DAAM1: variants seen among roughly 807,000 people sequenced by gnomAD.
DAAM1 encodes the protein dishevelled associated activator of morphogenesis 1, also known as disheveled-associated activator of morphogenesis 1.
DAAM1 carries 52 observed loss-of-function variants against 130.0 expected under a neutral mutation model. The ratio of observed to expected loss-of-function variants is 0.40; its 90% confidence interval spans 0.32 to 0.50. The LOEUF (loss-of-function observed/expected upper bound fraction) is 0.50, where lower values mean the gene tolerates loss of function less well. DAAM1 is among the 20% of genes least tolerant of loss of function. The pLI, the probability that DAAM1 is intolerant of heterozygous loss-of-function variation, is 0.61. For missense variants in DAAM1, 1,134 were observed against 1,303.8 expected (o/e 0.87, Z 2.01); for synonymous variants, 452 against 444.5 (o/e 1.02, Z -0.21).
At chr14:59,283,630 C>T (rs1340801592) in intron 2 of DAAM1, among the ~76,000 whole-genome samples, 1 of 152,120 alleles carries the variant, frequency 6.6e-6, no homozygotes. Flanking sequence ...TTACTGCATG[C>T]TTAGTTGATT....
At chr14:59,291,473 G>A (rs1883738095) in intron 3 of DAAM1, 167 bp downstream of exon 3, 5 of 578,446 alleles carry the variant, frequency 8.6e-6, no homozygotes, top group South Asian at 6.8e-5. Context: ...TTCCCTGGAT[G>A]TTGTTTTTGT....
intron 3 of DAAM1, among the ~76,000 whole-genome samples, chr14:59,311,184 A>G (rs980757229): frequency 3.3e-5 from 5 of 152,260 alleles, no homozygotes; most frequent in African/African-American, 1.2e-4. Context: ...ATATGAGTAT[A>G]GAAATTTTGA....
chr14:59,315,243 G>A (rs764888893), intron 3 of DAAM1, 37 bp from the exon 4 acceptor site: 5 of 1,594,860 alleles, frequency 3.1e-6, no homozygotes, highest in East Asian at 2.2e-5. Context: ...GTGTGTATAT[G>A]TTGGGTGGTA....
intron 3 of DAAM1, among the ~76,000 whole-genome samples, chr14:59,302,129 A>C (rs943484337): frequency 2.6e-5 from 4 of 152,230 alleles, no homozygotes; most frequent in Non-Finnish European, 5.9e-5. Context: ...AAAATCTGAA[A>C]GAAGAAAATC....
At chr14:59,326,237 G>T in intron 10 of DAAM1, 160 bp downstream of exon 10, 1 of 709,560 alleles carries the variant, frequency 1.4e-6, no homozygotes, top group Non-Finnish European at 2.3e-6. Context: ...GGCTTAAAGG[G>T]TGTTACAAAA....
At chr14:59,258,069 A>AT (rs1215469263) in intron 1 of DAAM1, among the ~76,000 whole-genome samples, 4 of 151,812 alleles carry the variant, frequency 2.6e-5, no homozygotes, top group Non-Finnish European at 5.9e-5. Context: ...AGTTTTCTTG[A>AT]TTTTTTTCCT....
intron 16 of DAAM1, among the ~76,000 whole-genome samples, chr14:59,344,221 T>C (rs559019903): frequency 6.6e-6 from 1 of 152,190 alleles, no homozygotes; most frequent in Non-Finnish European, 1.5e-5. Context: ...AGTAGGGGGA[T>C]TTGGCCTAAA....
intron 22 of DAAM1, 76 bp from the exon 23 acceptor site, chr14:59,363,575 G>A: frequency 1.3e-6 from 2 of 1,581,128 alleles, no homozygotes; most frequent in Non-Finnish European, 1.7e-6. Context: ...TTTAAGGCAT[G>A]TGAAATATGA....
intron 1 of DAAM1, among the ~76,000 whole-genome samples, chr14:59,214,988 T>C (rs570750616): frequency 2.0e-5 from 3 of 152,396 alleles, no homozygotes; most frequent in Admixed American, 1.3e-4. Context: ...GGTTTCTCCA[T>C]ATCTCATGTG....
At chr14:59,192,056 C>T (rs1594748557) in intron 1 of DAAM1, among the ~76,000 whole-genome samples, 2 of 151,750 alleles carry the variant, frequency 1.3e-5, no homozygotes, top group East Asian at 3.9e-4. Flanking sequence ...TGGGTCACAT[C>T]CTTGGGTGGT....
intron 1 of DAAM1, among the ~76,000 whole-genome samples, chr14:59,201,011 A>G (rs187275112): frequency 5.3e-5 from 8 of 152,052 alleles, no homozygotes; most frequent in African/African-American, 1.9e-4. Context: ...AATACAAAAA[A>G]TCAGCCAGGC....
In DAAM1 at chr14:59,331,805, G is replaced by T. The variant is rs1269352774; in HGVS notation, c.1861-8G>T. ...AAACTATAGCACTTATTACATTGAT[G>T]TTTCTAGAACAAACTGGAAGGAACA... On this transcript the variant is annotated splice_polypyrimidine_tract_variant and splice_region_variant and intron_variant, in intron 14 of 24. Transcript: ENST00000360909. 2 of 1,610,822 alleles carry T rather than the reference G, an allele frequency of 1.2e-6. No individual in the cohort carries two copies. The highest frequency in any genetic ancestry group is 1.7e-6 in the Non-Finnish European group (2 of 1,178,476).
rs386381493 is a variant in DAAM1 at position 59,327,402 on chromosome 14, C to CTTTTTTTTTTTTTT, written c.1372+422_1372+435dup. Among the ~76,000 whole-genome samples, 101 of 58,984 alleles carry CTTTTTTTTTTTTTT rather than the reference C, an allele frequency of 1.7e-3. 16 individuals are homozygous for CTTTTTTTTTTTTTT. The highest frequency in any genetic ancestry group is 0.018 in the Middle Eastern group (1 of 56). The allele number at this position is 58,984 out of a possible 152,430, so 38.7% of individuals were successfully genotyped here. On this transcript the variant is annotated intron_variant, in intron 12 of 24. Transcript: ENST00000360909. ...AAGAGAAGAACAGGTCACTTGGTTT[C>CTTTTTTTTTTTTTT]TTTTTTTTTTTTTTTTTTTTTTTTG...
chr14:59,258,738 C>T (rs920591680), intron 1 of DAAM1, among the ~76,000 whole-genome samples: 1 of 152,128 alleles, frequency 6.6e-6, no homozygotes. Context: ...TGTTGGAAAT[C>T]TCCAACACAT....
At chr14:59,291,587 C>T (rs1031525255) in intron 3 of DAAM1, 1 of 363,162 alleles carries the variant, frequency 2.8e-6, no homozygotes, top group Admixed American at 4.7e-5. Flanking sequence ...TCCCCCCAAC[C>T]CTGCGCTTTA....
At chr14:59,353,387 T>C (rs1263464329) in intron 18 of DAAM1, among the ~76,000 whole-genome samples, 1 of 152,106 alleles carries the variant, frequency 6.6e-6, no homozygotes, top group Non-Finnish European at 1.5e-5. Context: ...GAGAGGACAA[T>C]GTGGGAAGCG....
At chr14:59,329,365 C>G (rs1416591477) in intron 12 of DAAM1, among the ~76,000 whole-genome samples, 2 of 152,074 alleles carry the variant, frequency 1.3e-5, no homozygotes, top group South Asian at 4.2e-4. Context: ...GGATGTATTT[C>G]TGGAGAAGTT....
At chr14:59,331,142 A>G in intron 13 of DAAM1, 67 bp from the exon 14 acceptor site, 1 of 1,564,260 alleles carries the variant, frequency 6.4e-7, no homozygotes, top group South Asian at 1.2e-5. Flanking sequence ...CAAGTTACAG[A>G]CTCTTAAATC....
chr14:59,357,164 T>C (rs1325912008), intron 20 of DAAM1: 2 of 152,256 alleles, frequency 1.3e-5, no homozygotes, highest in Admixed American at 1.3e-4. Context: ...CAAATGAAGC[T>C]CAGGCATGGT....
Sources: allele counts gnomAD v4.1 joint callset (sites outside exome capture counted in the v4.1 genomes callset), GRCh38; gene constraint gnomAD v4.1.1; transcripts MANE v1.5; gene names NCBI Gene and HGNC (gene_info 2026-07-23, HGNC 2026-07-21).